Variants in NRG1 observed in about 807,000 individuals in gnomAD.
NRG1 encodes pro-neuregulin-1, membrane-bound isoform.
NRG1 carries 18 observed loss-of-function variants against 63.8 expected under a neutral mutation model. The ratio of observed to expected loss-of-function variants is 0.28; its 90% CI spans 0.19 to 0.42. NRG1 has a LOEUF of 0.42. Among genes scored for constraint, NRG1 ranks in the 10% least tolerant of loss-of-function variants. The probability of loss-of-function intolerance (pLI) is 1.00; values close to 1 mark genes in which losing one functional copy is unlikely to be tolerated. For missense variants in NRG1, 762 were observed against 814.7 expected, an observed-to-expected ratio of 0.94 and a Z score of 0.79; for synonymous variants, 302 against 301.3, an observed-to-expected ratio of 1.00 and a Z score of -0.02.
chr8:32,653,272 G>A (rs1855549769), intron 5 of NRG1, among the ~76,000 whole-genome samples: 1 of 152,008 alleles, frequency 6.6e-6, no homozygotes. Flanking sequence ...TGTTCTAGTG[G>A]ATTTTAAGAA....
intron 1 of NRG1, among the ~76,000 whole-genome samples, chr8:31,830,345 CCTTCCTTCCT>C: frequency 2.6e-5 from 3 of 114,402 alleles, no homozygotes; most frequent in African/African-American, 9.9e-5. Context: ...TTCCTTCCTT[CCTTCCTTCCT>C]TCCTTCCCTC....
chr8:32,303,432 G>T (rs556864761), intron 1 of NRG1, among the ~76,000 whole-genome samples: 5 of 152,112 alleles, frequency 3.3e-5, no homozygotes, highest in Admixed American at 2.0e-4. Context: ...TACAGAACAT[G>T]CTTGGAAGCA....
At chr8:32,344,248 C>A (rs973914447) in intron 1 of NRG1, among the ~76,000 whole-genome samples, 1 of 152,028 alleles carries the variant, frequency 6.6e-6, no homozygotes, top group Non-Finnish European at 1.5e-5. Context: ...GTGCCTTTCT[C>A]ATCTTGGGTC....
intron 1 of NRG1, among the ~76,000 whole-genome samples, chr8:32,284,489 G>GCCTGCCTTCCTTCCTT (rs1338557078): frequency 2.7e-3 from 358 of 132,594 alleles, no homozygotes; most frequent in Middle Eastern, 7.6e-3. Context: ...CTGCCTGCCT[G>GCCTGCCTTCCTTCCTT]CCTTCCTTCC....
chr8:31,769,477 C>T (rs541011630), intron 1 of NRG1, among the ~76,000 whole-genome samples: 2 of 152,140 alleles, frequency 1.3e-5, no homozygotes, highest in Non-Finnish European at 2.9e-5. Context: ...GCAGCCCATG[C>T]TGGGATATAA....
chr8:32,657,471 C>T (rs918859242), intron 5 of NRG1, among the ~76,000 whole-genome samples: 1 of 152,098 alleles, frequency 6.6e-6, no homozygotes, highest in South Asian at 2.1e-4. Flanking sequence ...GTAGATGGCC[C>T]AGACCTGTGG....
chr8:32,569,366 G>A (rs13252431), intron 1 of NRG1, among the ~76,000 whole-genome samples: 34,001 of 152,132 alleles, frequency 0.22, 4,547 homozygotes, highest in South Asian at 0.38. Context: ...GATGATTCTT[G>A]AAGTGTGTGT....
At chr8:31,735,178 A>G (rs917854914) in intron 1 of NRG1, among the ~76,000 whole-genome samples, 3 of 152,148 alleles carry the variant, frequency 2.0e-5, no homozygotes, top group South Asian at 2.1e-4. Context: ...ACAGTGTATG[A>G]TGTGCCCTGA....
intron 1 of NRG1, among the ~76,000 whole-genome samples, chr8:32,427,744 C>T (rs941679292): frequency 3.9e-5 from 6 of 152,078 alleles, no homozygotes; most frequent in Admixed American, 6.6e-5. Flanking sequence ...ATTGTTCTAA[C>T]GTGTGCGACA....
chr8:32,487,359 T>C (rs1259610009), intron 1 of NRG1, among the ~76,000 whole-genome samples: 1 of 152,160 alleles, frequency 6.6e-6, no homozygotes, highest in African/African-American at 2.4e-5. Flanking sequence ...TTGGATTCAC[T>C]TGACTTCTTA....
At chr8:32,696,030 A>T (rs1347239917) in intron 5 of NRG1, among the ~76,000 whole-genome samples, 1 of 152,072 alleles carries the variant, frequency 6.6e-6, no homozygotes, top group Non-Finnish European at 1.5e-5. Context: ...CCCTTCCCAG[A>T]GTGTTTGCCA....
chr8:32,027,206 G>A (rs1817514858), intron 1 of NRG1, among the ~76,000 whole-genome samples: 1 of 152,048 alleles, frequency 6.6e-6, no homozygotes, highest in Non-Finnish European at 1.5e-5. Flanking sequence ...TTCAAGTAGG[G>A]TTGAGTAGTA....
chr8:31,833,903 A>C (rs1825415888), intron 1 of NRG1, among the ~76,000 whole-genome samples: 1 of 152,200 alleles, frequency 6.6e-6, no homozygotes, highest in Non-Finnish European at 1.5e-5. Flanking sequence ...GAGTTTCCCA[A>C]CAGTGGGAAT....
At chr8:32,171,665 A>G (rs995189150) in intron 1 of NRG1, among the ~76,000 whole-genome samples, 9 of 152,132 alleles carry the variant, frequency 5.9e-5, no homozygotes, top group Non-Finnish European at 1.0e-4. Flanking sequence ...GCACTTTTCC[A>G]AAGGTCTTAG....
chr8:31,838,058 CA>C (rs1440490533), intron 1 of NRG1, among the ~76,000 whole-genome samples: 1 of 152,024 alleles, frequency 6.6e-6, no homozygotes, highest in Admixed American at 6.6e-5. Context: ...CTGTTTTCCA[CA>C]ATGGTAGTAC....
At chr8:32,212,410 C>T (rs780188415) in intron 1 of NRG1, among the ~76,000 whole-genome samples, 17 of 152,074 alleles carry the variant, frequency 1.1e-4, no homozygotes, top group Admixed American at 1.3e-4. Flanking sequence ...ACTTTCTGTG[C>T]TATTCAGTGT....
intron 1 of NRG1, among the ~76,000 whole-genome samples, chr8:32,259,969 C>A (rs779770967): frequency 6.6e-6 from 1 of 152,140 alleles, no homozygotes; most frequent in Middle Eastern, 3.4e-3. Flanking sequence ...GGCTGTCAAC[C>A]GAATCTTGAA....
At chr8:32,480,113 G>A (rs1825062460) in intron 1 of NRG1, among the ~76,000 whole-genome samples, 1 of 152,148 alleles carries the variant, frequency 6.6e-6, no homozygotes, top group Non-Finnish European at 1.5e-5. Context: ...CTGAATCATT[G>A]AACAAATGCT....
chr8:32,667,511 A>G (rs1804505401), intron 5 of NRG1, among the ~76,000 whole-genome samples: 1 of 152,156 alleles, frequency 6.6e-6, no homozygotes, highest in Non-Finnish European at 1.5e-5. Flanking sequence ...ATTTAGTCAA[A>G]TTTCTGAAAA....
Sources: gnomAD v4.1 joint callset for allele counts (sites outside exome capture counted in the v4.1 genomes callset) on GRCh38, gnomAD v4.1.1 for gene constraint, MANE v1.5 for transcripts, NCBI Gene and HGNC (gene_info 2026-07-23, HGNC 2026-07-21) for gene names.